The following SMARCC1 variants were observed in gnomAD, a reference collection of about 807,000 sequenced individuals.
SMARCC1 encodes SWI/SNF related BAF chromatin remodeling complex subunit C1.
In SMARCC1, 43 loss-of-function variants were observed where a neutral mutation model predicts 147.4. That is an observed-to-expected ratio of 0.29 (90% CI 0.23 to 0.38). The LOEUF is 0.38. Among genes scored for constraint, SMARCC1 ranks in the 10% least tolerant of loss-of-function variants. The probability of loss-of-function intolerance (pLI) is 1.00; values close to 1 mark genes in which losing one functional copy is unlikely to be tolerated. For synonymous variants in SMARCC1, 495 were observed against 484.4 expected (o/e 1.02, Z -0.29); for missense variants, 1,119 against 1,381.1 (o/e 0.81, Z 3.01).
chr3:47,708,578 G>A (rs1461157976), intron 9 of SMARCC1, among the ~76,000 whole-genome samples: 1 of 151,906 alleles, frequency 6.6e-6, no homozygotes, highest in Non-Finnish European at 1.5e-5. Context: ...TATTCCTAAT[G>A]ACAAAAAAGC....
chr3:47,689,254 A>C, intron 13 of SMARCC1, 133 bp downstream of exon 13: 1 of 676,918 alleles, frequency 1.5e-6, no homozygotes, highest in South Asian at 1.8e-5. Flanking sequence ...AAAACTAAAA[A>C]CAAAAAAAAA....
intron 15 of SMARCC1, 58 bp downstream of exon 15, chr3:47,680,379 T>G: frequency 8.6e-7 from 1 of 1,164,102 alleles, no homozygotes; most frequent in Non-Finnish European, 1.3e-6. Flanking sequence ...GGTGGATGCT[T>G]GAAGAGCCCC....
At chr3:47,780,827 T>C (rs1287421002) in intron 1 of SMARCC1, among the ~76,000 whole-genome samples, 2 of 150,942 alleles carry the variant, frequency 1.3e-5, no homozygotes, top group Non-Finnish European at 3.0e-5. Flanking sequence ...AAAAGGGAAG[T>C]TGGAAAAAAA....
chr3:47,746,862 C>A (rs2034569936), intron 2 of SMARCC1, among the ~76,000 whole-genome samples: 2 of 151,488 alleles, frequency 1.3e-5, no homozygotes, highest in African/African-American at 4.8e-5. Flanking sequence ...TCCTAAGTAG[C>A]TGGGATTATA....
At chr3:47,740,533 G>A (rs1361747636) in intron 3 of SMARCC1, among the ~76,000 whole-genome samples, 1 of 151,664 alleles carries the variant, frequency 6.6e-6, no homozygotes, top group Non-Finnish European at 1.5e-5. Context: ...TAGAAATGGA[G>A]TTTCACCATG....
intron 1 of SMARCC1, among the ~76,000 whole-genome samples, chr3:47,777,084 A>AT (rs1252656665): frequency 3.4e-5 from 5 of 147,306 alleles, no homozygotes; most frequent in African/African-American, 1.3e-4. Context: ...TCAGGTAAAT[A>AT]TTTATTTTTT....
At chr3:47,732,057 G>T (rs2034380936) in intron 5 of SMARCC1, among the ~76,000 whole-genome samples, 1 of 152,178 alleles carries the variant, frequency 6.6e-6, no homozygotes, top group South Asian at 2.1e-4. Flanking sequence ...CTGTTGTTTG[G>T]TGTAACCAGC....
At chr3:47,711,529 A>G (rs1362218926) in intron 8 of SMARCC1, among the ~76,000 whole-genome samples, 1 of 152,190 alleles carries the variant, frequency 6.6e-6, no homozygotes, top group Admixed American at 6.6e-5. Context: ...GTCATGGTGG[A>G]GGTTTAAGTT....
chr3:47,729,432 T>C (rs145570892), intron 5 of SMARCC1, among the ~76,000 whole-genome samples: 8 of 152,258 alleles, frequency 5.3e-5, no homozygotes, highest in East Asian at 1.9e-4. Context: ...ACCCAGGCTA[T>C]AGTGTGGCAG....
chr3:47,671,063 T>A (rs1370463906), intron 18 of SMARCC1, among the ~76,000 whole-genome samples: 1 of 150,478 alleles, frequency 6.6e-6, no homozygotes, highest in Admixed American at 6.7e-5. Context: ...TTCATGCCTA[T>A]AGTCCCAGCT....
At chr3:47,619,675 A>G (rs538035799) in intron 25 of SMARCC1, among the ~76,000 whole-genome samples, 1 of 152,184 alleles carries the variant, frequency 6.6e-6, no homozygotes, top group African/African-American at 2.4e-5. Flanking sequence ...GAGACAATCA[A>G]TGGTGTGAGA....
At chr3:47,729,427 G>GTGA (rs1254573326) in intron 5 of SMARCC1, among the ~76,000 whole-genome samples, 9 of 152,126 alleles carry the variant, frequency 5.9e-5, no homozygotes, top group Admixed American at 3.3e-4. Flanking sequence ...CTGTCACCCA[G>GTGA]GCTATAGTGT....
intron 25 of SMARCC1, among the ~76,000 whole-genome samples, chr3:47,617,493 T>C (rs150488176): frequency 0.012 from 1,860 of 152,348 alleles, 18 homozygotes; most frequent in Non-Finnish European, 0.019. Context: ...ATTTGTTGAT[T>C]ACTGGTTTGC....
At chr3:47,729,328 C>T (rs1211847628) in intron 5 of SMARCC1, among the ~76,000 whole-genome samples, 2 of 152,184 alleles carry the variant, frequency 1.3e-5, no homozygotes, top group African/African-American at 4.8e-5. Flanking sequence ...CACCTATTAG[C>T]TAGTTCTCTA....
At chr3:47,605,866 G>A (rs1268911704) in intron 26 of SMARCC1, among the ~76,000 whole-genome samples, 4 of 152,076 alleles carry the variant, frequency 2.6e-5, no homozygotes, top group Admixed American at 6.5e-5. Context: ...ACTAGTCTAC[G>A]GCGCTAGAAG....
chr3:47,776,279 T>A (rs577941485), intron 1 of SMARCC1, among the ~76,000 whole-genome samples: 14 of 152,302 alleles, frequency 9.2e-5, no homozygotes, highest in African/African-American at 3.1e-4. Flanking sequence ...TGTACTGCAC[T>A]TTTTTTGTAC....
intron 14 of SMARCC1, among the ~76,000 whole-genome samples, chr3:47,681,699 G>C (rs975472584): frequency 6.6e-6 from 1 of 152,004 alleles, no homozygotes; most frequent in Non-Finnish European, 1.5e-5. Flanking sequence ...AAATTAAATT[G>C]GATTTGTAGG....
At chr3:47,750,545 T>G (rs937253831) in intron 2 of SMARCC1, among the ~76,000 whole-genome samples, 2 of 152,164 alleles carry the variant, frequency 1.3e-5, no homozygotes, top group Non-Finnish European at 2.9e-5. Context: ...CCCAGATTGG[T>G]CTAAAATGTT....
At chr3:47,751,931 A>C (rs2034634549) in intron 2 of SMARCC1, among the ~76,000 whole-genome samples, 1 of 152,040 alleles carries the variant, frequency 6.6e-6, no homozygotes, top group African/African-American at 2.4e-5. Flanking sequence ...AAAATACAAA[A>C]AAATTAGCAG....
Sources: gnomAD v4.1 joint callset for allele counts (sites outside exome capture counted in the v4.1 genomes callset) on GRCh38, gnomAD v4.1.1 for gene constraint, MANE v1.5 for transcripts, NCBI Gene and HGNC (gene_info 2026-07-23, HGNC 2026-07-21) for gene names.